Variants in KLRG1 observed in about 807,000 individuals in gnomAD.
The protein encoded by KLRG1 is killer cell lectin like receptor G1.
A neutral mutation model predicts 21.8 loss-of-function variants in KLRG1; 16 were observed. The ratio of observed to expected loss-of-function variants is 0.73; its 90% CI spans 0.50 to 1.11. The LOEUF (loss-of-function observed/expected upper bound fraction) is 1.11, where lower values mean the gene tolerates loss of function less well. Ranked by LOEUF, KLRG1 falls within the 50% of genes most tolerant of loss-of-function variation. The probability of loss-of-function intolerance (pLI) is 0.00; values close to 1 mark genes in which losing one functional copy is unlikely to be tolerated. For synonymous variants in KLRG1, 69 were observed against 75.9 expected, an observed-to-expected ratio of 0.91 and a Z score of 0.47; for missense variants, 173 against 218.3, an observed-to-expected ratio of 0.79 and a Z score of 1.31.
the KLRG1 span, among the ~76,000 whole-genome samples, chr12:9,089,609 T>A: frequency 6.6e-6 from 1 of 151,922 alleles, no homozygotes; most frequent in Non-Finnish European, 1.5e-5. Flanking sequence ...GGCGTGGTGG[T>A]GCACACCTGT....
chr12:9,124,817 G>C, the KLRG1 span, among the ~76,000 whole-genome samples: 1 of 152,238 alleles, frequency 6.6e-6, no homozygotes, highest in African/African-American at 2.4e-5. Flanking sequence ...GCAGAAGGGG[G>C]CAGGTCCCCT....
At chr12:9,212,822 T>C in the KLRG1 span, among the ~76,000 whole-genome samples, 31 of 152,210 alleles carry the variant, frequency 2.0e-4, no homozygotes, top group Non-Finnish European at 3.4e-4. Flanking sequence ...ACATAACATT[T>C]ATTACATTAC....
the KLRG1 span, among the ~76,000 whole-genome samples, chr12:9,046,735 G>A: frequency 6.6e-6 from 1 of 152,186 alleles, no homozygotes; most frequent in Non-Finnish European, 1.5e-5. Flanking sequence ...TCCAAGAAAT[G>A]TTAAAAGAAG....
the KLRG1 span, chr12:9,149,142 C>G: frequency 1.5e-6 from 1 of 687,342 alleles, no homozygotes; most frequent in African/African-American, 1.8e-5. Context: ...GCCATGTGGT[C>G]TGTCATGACT....
chr12:9,154,465 C>T, the KLRG1 span: 1 of 803,110 alleles, frequency 1.2e-6, no homozygotes, highest in Non-Finnish European at 1.9e-6. Flanking sequence ...TGTCTTAAGT[C>T]TTTCCTTTAA....
At chr12:8,958,180 G>C (rs1295306342) in intron 1 of KLRG1, among the ~76,000 whole-genome samples, 4 of 152,158 alleles carry the variant, frequency 2.6e-5, no homozygotes, top group Non-Finnish European at 5.9e-5. Context: ...TTACAAGCAT[G>C]AACCAGTGTG....
the KLRG1 span, among the ~76,000 whole-genome samples, chr12:9,041,915 G>A: frequency 6.6e-6 from 1 of 152,158 alleles, no homozygotes. Flanking sequence ...AACAGAGACT[G>A]GTACTATGAA....
chr12:9,089,094 T>G, the KLRG1 span: 1 of 891,252 alleles, frequency 1.1e-6, no homozygotes, highest in Non-Finnish European at 1.7e-6. Context: ...TTGATGGTGC[T>G]TCAGGTCTTA....
upstream of KLRG1, chr12:8,987,460 A>G (rs1199834037): frequency 6.6e-6 from 1 of 152,224 alleles, no homozygotes; most frequent in Non-Finnish European, 1.5e-5. Flanking sequence ...CTCTGCTGGC[A>G]TCTTGATCTT....
At chr12:9,165,636 A>G in the KLRG1 span, among the ~76,000 whole-genome samples, 1 of 152,202 alleles carries the variant, frequency 6.6e-6, no homozygotes, top group Non-Finnish European at 1.5e-5. Context: ...GATTCATTTT[A>G]GTCCTTAACT....
intron 3 of KLRG1, among the ~76,000 whole-genome samples, chr12:8,999,311 G>A (rs991024648): frequency 6.6e-6 from 1 of 152,096 alleles, no homozygotes; most frequent in African/African-American, 2.4e-5. Flanking sequence ...GTATGCATTC[G>A]TTAGTGAGTT....
chr12:8,988,005 C>T (rs943892851), upstream of KLRG1, among the ~76,000 whole-genome samples: 4 of 152,196 alleles, frequency 2.6e-5, no homozygotes, highest in Admixed American at 2.6e-4. Flanking sequence ...AGCAATGCAT[C>T]ACCTCTGTCC....
At chr12:9,072,264 A>G in the KLRG1 span, 2 of 1,406,162 alleles carry the variant, frequency 1.4e-6, no homozygotes, top group East Asian at 4.6e-5. Context: ...AATAGTGCAA[A>G]TATCTACTGT....
At chr12:9,041,360 CA>C in the KLRG1 span, among the ~76,000 whole-genome samples, 5 of 152,252 alleles carry the variant, frequency 3.3e-5, no homozygotes, top group African/African-American at 1.2e-4. Flanking sequence ...AAAAACAAAA[CA>C]AAAAACTTGG....
chr12:9,136,164 G>A, the KLRG1 span, among the ~76,000 whole-genome samples: 43 of 152,314 alleles, frequency 2.8e-4, no homozygotes, highest in East Asian at 7.3e-3. Context: ...AATCTGCCAT[G>A]GCAACGGGTT....
chr12:9,097,632 C>CTTTTTT, the KLRG1 span, among the ~76,000 whole-genome samples: 17,777 of 126,376 alleles, frequency 0.14, 1,411 homozygotes, highest in African/African-American at 0.16. Flanking sequence ...TGATGTAATT[C>CTTTTTT]TTTTTTTTTT....
Position 9,010,291 on chromosome 12 carries a change from C to T in KLRG1, c.*754C>T, listed in dbSNP as rs768358202. 2.1e-5 allele frequency: 8 copies of T among 383,300 alleles called. No homozygotes were observed. Among genetic ancestry groups the T allele is most frequent in the Non-Finnish European group, 2.8e-5 (6 of 215,096 alleles). 23.7% of individuals were successfully genotyped at this position (383,300 alleles called of 1,614,324 possible). A position where few individuals can be genotyped will look rare whatever the true frequency, so the allele number is the denominator to read the frequency against. ...GCTCTTCACACGTAATGCAAAAACCCGGTCTTAACTGATTTTGTTTTTTTT... is the reference window on the plus strand; with the variant it reads ...GCTCTTCACACGTAATGCAAAAACCTGGTCTTAACTGATTTTGTTTTTTTT... On this transcript the variant is annotated 3_prime_UTR_variant, in exon 5 of 5. Transcript: ENST00000356986.
At chr12:8,981,304 A>G (rs1210996008) in intron 1 of KLRG1, among the ~76,000 whole-genome samples, 1 of 152,008 alleles carries the variant, frequency 6.6e-6, no homozygotes, top group Non-Finnish European at 1.5e-5. Flanking sequence ...TTCTACTTAC[A>G]TTGGTTTTAA....
chr12:8,951,308 CA>C (rs11441873), intron 1 of KLRG1, among the ~76,000 whole-genome samples: 3 of 148,976 alleles, frequency 2.0e-5, no homozygotes, highest in African/African-American at 2.5e-5. Flanking sequence ...CCCCTTCTTT[CA>C]AAAAAAAAAA....
Sources: allele counts gnomAD v4.1 joint callset (sites outside exome capture counted in the v4.1 genomes callset), GRCh38; gene constraint gnomAD v4.1.1; transcripts MANE v1.5; gene names NCBI Gene and HGNC (gene_info 2026-07-23, HGNC 2026-07-21).